Variants in MCMBP observed in about 807,000 individuals in gnomAD.
The protein encoded by MCMBP is minichromosome maintenance complex binding protein.
In MCMBP, 31 loss-of-function variants were observed where a neutral mutation model predicts 81.3. That is an observed-to-expected ratio of 0.38 (90% CI 0.29 to 0.51). The LOEUF (loss-of-function observed/expected upper bound fraction) is 0.51, where lower values mean the gene tolerates loss of function less well. MCMBP is among the 20% of genes least tolerant of loss of function. MCMBP has a pLI of 0.87. For synonymous variants in MCMBP, 267 were observed against 275.9 expected (o/e 0.97, Z 0.32); for missense variants, 645 against 772.1 (o/e 0.84, Z 1.95).
upstream of MCMBP, chr10:119,872,943 G>C (rs1853759979): frequency 6.6e-6 from 1 of 151,778 alleles, no homozygotes; most frequent in South Asian, 2.1e-4. Flanking sequence ...GCTCTGCGCG[G>C]CGAGGAGGAG....
chr10:119,853,007 G>GT (rs1564880556), intron 6 of MCMBP, 43 bp downstream of exon 6: 2 of 1,608,632 alleles, frequency 1.2e-6, no homozygotes, highest in African/African-American at 2.7e-5. Flanking sequence ...CCAATCTACT[G>GT]TAAGAGAGCA....
At chr10:119,847,465 T>C in intron 8 of MCMBP, 148 bp downstream of exon 8, 1 of 482,538 alleles carries the variant, frequency 2.1e-6, no homozygotes, top group East Asian at 3.2e-5. Flanking sequence ...CACAAATGAA[T>C]GACAAAACAC....
chr10:119,846,228 C>A (rs890255582), intron 8 of MCMBP, among the ~76,000 whole-genome samples: 1 of 152,102 alleles, frequency 6.6e-6, no homozygotes, highest in African/African-American at 2.4e-5. Flanking sequence ...CTTAAAGTGG[C>A]TCCCACTAGC....
chr10:119,872,408 G>C, intron 1 of MCMBP, 119 bp downstream of exon 1: 1 of 505,602 alleles, frequency 2.0e-6, no homozygotes, highest in Non-Finnish European at 2.8e-6. Flanking sequence ...CCGGGGCCCC[G>C]TCTCGGGCCA....
chr10:119,831,889 C>G, intron 15 of MCMBP, 123 bp downstream of exon 15: 1 of 1,014,302 alleles, frequency 9.9e-7, no homozygotes, highest in Non-Finnish European at 1.4e-6. Context: ...CCCTTTCATA[C>G]AGCGTTTTTA....
intron 8 of MCMBP, among the ~76,000 whole-genome samples, chr10:119,846,822 G>A (rs986188487): frequency 2.0e-5 from 3 of 152,010 alleles, no homozygotes; most frequent in Admixed American, 2.0e-4. Flanking sequence ...CAGGAAGCGG[G>A]CCCTCACTAG....
In MCMBP at chr10:119,832,119, T is replaced by A. The variant is rs748346943; in HGVS notation, c.1708-19A>T. 6.2e-6 allele frequency: 10 copies of A among 1,600,376 alleles called. No homozygotes were observed. In the Admixed American group the frequency reaches 1.4e-4, roughly 22 times the overall value. ...CAACTGCCTTTATCAAAAGAGTAAA[T>A]GTAAATGATGTGCATTTTTGTAAGG... On this transcript the variant is annotated intron_variant, in intron 14 of 15. Coordinates refer to ENST00000369077, the MANE Select transcript of MCMBP (RefSeq NM_001256378.2).
At chr10:119,860,727 T>C (rs1853225802) in intron 1 of MCMBP, among the ~76,000 whole-genome samples, 2 of 152,230 alleles carry the variant, frequency 1.3e-5, no homozygotes, top group African/African-American at 2.4e-5. Context: ...AAGAATAAGG[T>C]CCTTTTTTAA....
intron 1 of MCMBP, among the ~76,000 whole-genome samples, chr10:119,871,041 CATTT>C (rs1483609433): frequency 6.6e-6 from 1 of 152,204 alleles, no homozygotes; most frequent in Non-Finnish European, 1.5e-5. Flanking sequence ...GAAATCATCT[CATTT>C]ATCCAGCAAA....
chr10:119,843,834 G>GT (rs1310457661), intron 8 of MCMBP, among the ~76,000 whole-genome samples: 1 of 151,902 alleles, frequency 6.6e-6, no homozygotes, highest in East Asian at 1.9e-4. Context: ...GCTAATTTTT[G>GT]TATTTTTAGT....
intron 1 of MCMBP, among the ~76,000 whole-genome samples, chr10:119,871,492 G>A (rs1853670139): frequency 1.3e-5 from 2 of 152,034 alleles, no homozygotes; most frequent in Non-Finnish European, 2.9e-5. Flanking sequence ...AAACTAATTA[G>A]AATTACAGGT....
At chr10:119,862,292 A>C (rs1315750254) in intron 1 of MCMBP, among the ~76,000 whole-genome samples, 1 of 152,056 alleles carries the variant, frequency 6.6e-6, no homozygotes, top group Non-Finnish European at 1.5e-5. Flanking sequence ...GGGCGACTAG[A>C]GTGAATCTTC....
At chr10:119,831,982 A>G (rs906964383) in intron 15 of MCMBP, 30 bp downstream of exon 15, 1 of 1,584,078 alleles carries the variant, frequency 6.3e-7, no homozygotes, top group Non-Finnish European at 8.6e-7. Flanking sequence ...AAGCTTACCG[A>G]AACAGCAATA....
chr10:119,871,083 T>C lies in MCMBP; in HGVS notation c.58+1444A>G, dbSNP rs904948884. ...CAGAGTATGGGGTATTTCTAATAAATAAACTTTCTAATATTAGTAACTGAA... is the reference window on the plus strand; with the variant it reads ...CAGAGTATGGGGTATTTCTAATAAACAAACTTTCTAATATTAGTAACTGAA... On this transcript the variant is annotated intron_variant, in intron 1 of 15. Transcript: ENST00000369077. Among the ~76,000 whole-genome samples the C allele has an allele frequency of 4.6e-5, 7 of 152,326 alleles. No homozygotes were observed. The East Asian group carries it at 1.4e-3, about 29-fold the overall frequency.
In MCMBP at chr10:119,836,899, G is replaced by A; in HGVS notation, c.1539C>T (p.Leu513=). 1.2e-6 allele frequency: 2 copies of A among 1,608,388 alleles called. No individual in the cohort carries two copies. Among genetic ancestry groups the A allele is most frequent in the Non-Finnish European group, 1.7e-6 (2 of 1,177,216 alleles). ...ATTTAAAAATGACTCATCATACCGGGAGGAGTGACCTCCCCTCCGAAGTAA... is the reference window on the plus strand; with the variant it reads ...ATTTAAAAATGACTCATCATACCGGAAGGAGTGACCTCCCCTCCGAAGTAA... ...VFITSEGRSL[L]PADCQIHLQP... The change falls in exon 13 of 16, where the codon CTC becomes CTT. Residue 513 remains leucine (L), a synonymous_variant. Coordinates refer to ENST00000369077, the MANE Select transcript of MCMBP (RefSeq NM_001256378.2).
chr10:119,865,608 C>T (rs1265809420), intron 1 of MCMBP, among the ~76,000 whole-genome samples: 2 of 152,138 alleles, frequency 1.3e-5, no homozygotes, highest in African/African-American at 2.4e-5. Context: ...AATTCCATCC[C>T]TAGGTATATC....
intron 1 of MCMBP, among the ~76,000 whole-genome samples, chr10:119,871,732 C>G (rs1020232640): frequency 1.3e-5 from 2 of 152,132 alleles, no homozygotes; most frequent in Admixed American, 6.5e-5. Flanking sequence ...GATCTGACTC[C>G]GCCACTCATT....
Position 119,859,272 on chromosome 10 carries a change from T to A in MCMBP, c.145-91A>T, listed in dbSNP as rs936673304. 31 of 1,011,736 alleles carry A rather than the reference T, an allele frequency of 3.1e-5. 1 individual carries two copies. The highest frequency in any genetic ancestry group is 4.2e-5 in the Non-Finnish European group (30 of 711,536). The allele number at this position is 1,011,736 out of a possible 1,614,324, so 62.7% of individuals were successfully genotyped here. A position where few individuals can be genotyped will look rare whatever the true frequency, so the allele number is the denominator to read the frequency against. On this transcript the variant is annotated intron_variant, in intron 2 of 15. Coordinates refer to ENST00000369077, the MANE Select transcript of MCMBP (RefSeq NM_001256378.2). Reference sequence around the variant, plus strand: ...ACAAACTTTATATCCAGACTCAAACTGTTACACACACACACACACACACAC... The same window carrying A: ...ACAAACTTTATATCCAGACTCAAACAGTTACACACACACACACACACACAC...
intron 5 of MCMBP, among the ~76,000 whole-genome samples, chr10:119,855,215 G>T (rs1374306192): frequency 6.6e-6 from 1 of 152,068 alleles, no homozygotes; most frequent in African/African-American, 2.4e-5. Context: ...AATCACAAGG[G>T]AAATTAGAAA....
Sources: gnomAD v4.1 joint callset for allele counts (sites outside exome capture counted in the v4.1 genomes callset) on GRCh38, gnomAD v4.1.1 for gene constraint, MANE v1.5 for transcripts, NCBI Gene and HGNC (gene_info 2026-07-23, HGNC 2026-07-21) for gene names.